PRELID2: variants seen among roughly 807,000 people sequenced by gnomAD.
PRELID2 encodes PRELI domain-containing protein 2.
PRELID2 carries 25 observed loss-of-function variants against 28.4 expected under a neutral mutation model. The ratio of observed to expected loss-of-function variants is 0.88; its 90% confidence interval spans 0.64 to 1.23. The LOEUF is 1.23. Among genes scored for constraint, PRELID2 ranks in the 50% most tolerant of loss-of-function variants. The pLI, the probability that PRELID2 is intolerant of heterozygous loss-of-function variation, is 0.00. For synonymous variants in PRELID2, 76 were observed against 71.6 expected (o/e 1.06, Z -0.31); for missense variants, 201 against 214.4 (o/e 0.94, Z 0.39).
intron 1 of PRELID2, among the ~76,000 whole-genome samples, chr5:145,614,333 T>C (rs11960826): frequency 0.035 from 5,309 of 152,240 alleles, 275 homozygotes; most frequent in African/African-American, 0.12. Context: ...GATTTTAGAA[T>C]TGTGTTTTCT....
chr5:145,773,561 T>C lies in PRELID2; in HGVS notation c.475-8561A>G, dbSNP rs146806876. On this transcript the variant is annotated intron_variant, in intron 5 of 6. Transcript: ENST00000683046. ...GTTGCCTGCTGGAAACCTCCATTCA[T>C]GGGAAGCATACTGTTCCTTAGTCCA... Among the ~76,000 whole-genome samples, 318 of 152,354 alleles carry C rather than the reference T, an allele frequency of 2.1e-3. 3 individuals carry two copies. Among genetic ancestry groups the C allele is most frequent in the African/African-American group, 6.8e-3 (283 of 41,584 alleles).
the PRELID2 span, among the ~76,000 whole-genome samples, chr5:145,238,805 A>G: frequency 1.3e-5 from 2 of 152,104 alleles, no homozygotes; most frequent in Non-Finnish European, 2.9e-5. Flanking sequence ...GACACTTCAT[A>G]TGCAAATGAA....
intron 1 of PRELID2, among the ~76,000 whole-genome samples, chr5:145,698,405 T>C (rs1755330032): frequency 6.6e-6 from 1 of 152,168 alleles, no homozygotes; most frequent in African/African-American, 2.4e-5. Flanking sequence ...AGTAACTAAA[T>C]ATATCATTAC....
the PRELID2 span, among the ~76,000 whole-genome samples, chr5:145,371,048 G>A: frequency 1.3e-5 from 2 of 152,072 alleles, no homozygotes; most frequent in Non-Finnish European, 2.9e-5. Context: ...ATACAATCAT[G>A]TCATCTGCTA....
chr5:145,480,220 C>G (rs901311304), intron 1 of PRELID2, among the ~76,000 whole-genome samples: 1 of 152,122 alleles, frequency 6.6e-6, no homozygotes, highest in African/African-American at 2.4e-5. Flanking sequence ...TAATGACTTA[C>G]TGGAAGAAAT....
chr5:145,818,871 G>A (rs1754560011), intron 3 of PRELID2, among the ~76,000 whole-genome samples: 1 of 152,186 alleles, frequency 6.6e-6, no homozygotes, highest in African/African-American at 2.4e-5. Context: ...TGGTTTGGCT[G>A]TGTCCCCTCC....
chr5:145,812,159 C>G (rs1753994477), intron 4 of PRELID2, among the ~76,000 whole-genome samples: 1 of 152,058 alleles, frequency 6.6e-6, no homozygotes. Flanking sequence ...TTCCTCATGG[C>G]TAGGAGACAG....
At chr5:145,307,212 T>C in the PRELID2 span, among the ~76,000 whole-genome samples, 4 of 152,274 alleles carry the variant, frequency 2.6e-5, no homozygotes, top group Admixed American at 2.0e-4. Context: ...CGTAGTTTAA[T>C]AGGTATAGTT....
intron 1 of PRELID2, among the ~76,000 whole-genome samples, chr5:145,704,615 T>C (rs895246116): frequency 3.0e-4 from 46 of 152,354 alleles, no homozygotes; most frequent in Admixed American, 3.0e-3. Context: ...CCCACAACTG[T>C]TCCTCTTAAT....
chr5:145,272,084 A>T, the PRELID2 span, among the ~76,000 whole-genome samples: 1 of 150,170 alleles, frequency 6.7e-6, no homozygotes, highest in Non-Finnish European at 1.5e-5. Context: ...ATGGCAACAT[A>T]TTTTTTTTTT....
chr5:145,266,256 G>A, the PRELID2 span, among the ~76,000 whole-genome samples: 1 of 151,164 alleles, frequency 6.6e-6, no homozygotes, highest in Non-Finnish European at 1.5e-5. Flanking sequence ...TGAGGAGGGG[G>A]ATAATCCTTA....
chr5:145,559,426 T>G (rs963947439), intron 1 of PRELID2, among the ~76,000 whole-genome samples: 20 of 152,208 alleles, frequency 1.3e-4, no homozygotes, highest in Non-Finnish European at 2.8e-4. Flanking sequence ...TACACTAAGC[T>G]TAAAAGGCTG....
chr5:145,498,753 C>T (rs952567247), intron 1 of PRELID2, among the ~76,000 whole-genome samples: 1 of 151,868 alleles, frequency 6.6e-6, no homozygotes, highest in African/African-American at 2.4e-5. Context: ...GATAAGGTTT[C>T]ACCATGTTGG....
intron 1 of PRELID2, among the ~76,000 whole-genome samples, chr5:145,691,701 G>A (rs1391596086): frequency 6.6e-6 from 1 of 152,078 alleles, no homozygotes. Flanking sequence ...CTGGGCGACA[G>A]AGTGAGACTC....
the PRELID2 span, among the ~76,000 whole-genome samples, chr5:145,243,939 T>C: frequency 6.6e-6 from 1 of 152,056 alleles, no homozygotes; most frequent in Non-Finnish European, 1.5e-5. Context: ...GTTTCTTGTT[T>C]GTTTGTTTAT....
the PRELID2 span, among the ~76,000 whole-genome samples, chr5:145,329,399 T>C: frequency 3.9e-5 from 6 of 152,312 alleles, no homozygotes; most frequent in Admixed American, 2.0e-4. Context: ...ATATTGATTC[T>C]TCCTATCCAT....
rs550941159 is a variant in PRELID2, at chr5:145,727,207, T to C, written n.70+37724A>G. ...CCAAGACACAATCAATCTAGGAGACTGGGAGGGCTAGAAGCAAGGAGCCAG... is the reference window on the plus strand; with the variant it reads ...CCAAGACACAATCAATCTAGGAGACCGGGAGGGCTAGAAGCAAGGAGCCAG... On this transcript the variant is annotated intron_variant and non_coding_transcript_variant, in intron 1 of 2. Transcript: ENST00000510259. Among the ~76,000 whole-genome samples the C allele has an allele frequency of 3.9e-5, 6 of 152,302 alleles. No individual in the cohort carries two copies. In the East Asian group the frequency reaches 1.2e-3, roughly 29 times the overall value.
At chr5:145,834,513 T>G (rs917917732) in intron 1 of PRELID2, 2 of 152,194 alleles carry the variant, frequency 1.3e-5, no homozygotes, top group Admixed American at 6.5e-5. Flanking sequence ...CTCATCAGAA[T>G]GTATACTCAG....
chr5:145,696,297 C>T lies in PRELID2; in HGVS notation n.70+68634G>A, dbSNP rs142653749. On this transcript the variant is annotated intron_variant and non_coding_transcript_variant, in intron 1 of 2. Transcript: ENST00000510259. ...CTCCTGAGACAGGCACTGCTTGACA[C>T]AAAAATATCACACATCTAATGGTGA... Among the ~76,000 whole-genome samples the T allele has an allele frequency of 5.6e-3, 845 of 150,526 alleles. 11 individuals carry two copies. Among genetic ancestry groups the T allele is most frequent in the African/African-American group, 0.019 (759 of 41,000 alleles).
Sources: gnomAD v4.1 joint callset for allele counts (sites outside exome capture counted in the v4.1 genomes callset) on GRCh38, gnomAD v4.1.1 for gene constraint, MANE v1.5 for transcripts, NCBI Gene and HGNC (gene_info 2026-07-23, HGNC 2026-07-21) for gene names.